The following BTRC variants were observed in gnomAD, a reference collection of about 807,000 sequenced individuals.
BTRC encodes the protein beta-transducin repeat containing E3 ubiquitin protein ligase.
BTRC carries 42 observed loss-of-function variants against 85.5 expected under a neutral mutation model. That is an observed-to-expected ratio of 0.49 (90% CI 0.38 to 0.64). The LOEUF (loss-of-function observed/expected upper bound fraction) is 0.64. Ranked by LOEUF, BTRC falls within the 30% of genes least tolerant of loss-of-function variation. The pLI is 0.00. For missense variants in BTRC, 594 were observed against 743.5 expected, an observed-to-expected ratio of 0.80 and a Z score of 2.34; for synonymous variants, 255 against 263.3, an observed-to-expected ratio of 0.97 and a Z score of 0.30.
intron 1 of BTRC, among the ~76,000 whole-genome samples, chr10:101,421,635 C>T (rs1240126550): frequency 2.5e-5 from 3 of 118,334 alleles, no homozygotes; most frequent in African/African-American, 6.5e-5. Context: ...CCCCCCACCC[C>T]ACAACAGGCC....
intron 4 of BTRC, among the ~76,000 whole-genome samples, chr10:101,520,121 A>C (rs145111160): frequency 1.1e-3 from 162 of 149,662 alleles, no homozygotes; most frequent in African/African-American, 3.8e-3. Context: ...ATATTTTCTA[A>C]GTATTTGCTT....
At chr10:101,480,446 G>A (rs550434504) in intron 4 of BTRC, among the ~76,000 whole-genome samples, 2 of 152,304 alleles carry the variant, frequency 1.3e-5, no homozygotes, top group African/African-American at 4.8e-5. Flanking sequence ...CAAGATGAGA[G>A]CACTAGCAGA....
intron 7 of BTRC, among the ~76,000 whole-genome samples, 159 bp from the exon 8 acceptor site, chr10:101,532,136 A>C (rs7073902): frequency 0.067 from 10,151 of 152,156 alleles, 355 homozygotes; most frequent in Non-Finnish European, 0.074. Context: ...ATATTTTATA[A>C]ATATAGATAG....
chr10:101,413,813 C>T (rs1019377532), intron 1 of BTRC, among the ~76,000 whole-genome samples: 24 of 152,040 alleles, frequency 1.6e-4, no homozygotes, highest in African/African-American at 4.1e-4. Context: ...TTTCAACTTT[C>T]GTGTTTTTTT....
intron 2 of BTRC, among the ~76,000 whole-genome samples, chr10:101,431,901 T>C (rs939139646): frequency 1.3e-5 from 2 of 152,180 alleles, no homozygotes; most frequent in Admixed American, 6.5e-5. Context: ...AGATACAATA[T>C]AGTAAAGCAT....
intron 1 of BTRC, among the ~76,000 whole-genome samples, chr10:101,377,706 T>C (rs1357630677): frequency 1.3e-5 from 2 of 152,228 alleles, no homozygotes; most frequent in Non-Finnish European, 2.9e-5. Context: ...AAATATTTGA[T>C]ATGCCTAACT....
chr10:101,422,750 G>C (rs1353835481), intron 1 of BTRC, among the ~76,000 whole-genome samples: 1 of 152,022 alleles, frequency 6.6e-6, no homozygotes, highest in African/African-American at 2.4e-5. Flanking sequence ...TCTTGTTTTT[G>C]TCAGGTTTGT....
At chr10:101,385,743 A>G (rs7072719) in intron 1 of BTRC, among the ~76,000 whole-genome samples, 1 of 149,130 alleles carries the variant, frequency 6.7e-6, no homozygotes, top group African/African-American at 2.5e-5. Flanking sequence ...ACACACACAC[A>G]CATATGTTTT....
At chr10:101,390,417 A>G (rs997883677) in intron 1 of BTRC, among the ~76,000 whole-genome samples, 19 of 149,770 alleles carry the variant, frequency 1.3e-4, no homozygotes, top group Admixed American at 6.7e-5. Flanking sequence ...TGCTCACTGC[A>G]AGCTTCGCCT....
At chr10:101,404,531 G>A (rs1286383334) in intron 1 of BTRC, among the ~76,000 whole-genome samples, 1 of 152,116 alleles carries the variant, frequency 6.6e-6, no homozygotes, top group Non-Finnish European at 1.5e-5. Flanking sequence ...TTTTTGTCAG[G>A]CATTCAACCC....
At chr10:101,487,022 TATC>T (rs1226325520) in intron 4 of BTRC, among the ~76,000 whole-genome samples, 6 of 152,218 alleles carry the variant, frequency 3.9e-5, no homozygotes, top group African/African-American at 7.2e-5. Context: ...TATAAGAACA[TATC>T]ATTTAAATTT....
chr10:101,509,760 C>T (rs1251616403), intron 4 of BTRC, among the ~76,000 whole-genome samples: 15 of 144,796 alleles, frequency 1.0e-4, no homozygotes, highest in Non-Finnish European at 1.6e-4. Context: ...TGGAGTCTCA[C>T]TATGCTGCCA....
At position 101,412,596 on chromosome 10, in the gene BTRC, G is replaced by A. The variant is rs527276512; in HGVS notation, c.49-17749G>A. 5.9e-5 allele frequency among the ~76,000 whole-genome samples: 9 copies of A among 152,220 alleles called. No homozygotes were observed. The South Asian group carries it at 1.9e-3, about 32-fold the overall frequency. ...TTTATTTAAACTTAATGTACTAGAA[G>A]TCCTCATATTACATATTTCTAATGT... On this transcript the variant is annotated intron_variant, in intron 1 of 14. Transcript: ENST00000370187.
At chr10:101,493,723 A>G (rs1431254295) in intron 4 of BTRC, among the ~76,000 whole-genome samples, 1 of 152,232 alleles carries the variant, frequency 6.6e-6, no homozygotes, top group Non-Finnish European at 1.5e-5. Context: ...TTTCCTTTCT[A>G]GCATTCCATA....
intron 2 of BTRC, among the ~76,000 whole-genome samples, chr10:101,433,155 A>C (rs60754518): frequency 6.6e-6 from 1 of 152,198 alleles, no homozygotes; most frequent in Non-Finnish European, 1.5e-5. Context: ...GTAATTCTTC[A>C]CTACACAGGG....
Position 101,557,230 on chromosome 10 carries a change from T to C in BTRC, c.*4107T>C, listed in dbSNP as rs1223778204. On this transcript the variant is annotated 3_prime_UTR_variant, in exon 15 of 15. Transcript: ENST00000370187. ...TCAGTGTACCAATATGTTCACAACC[T>C]AGGATCATGATAATGGAGTGTGTTT... The C allele has an allele frequency of 6.6e-6, 1 of 152,224 alleles. No individual in the cohort carries two copies. Among genetic ancestry groups the C allele is most frequent in the Non-Finnish European group, 1.5e-5 (1 of 68,036 alleles). The allele number at this position is 152,224 out of a possible 1,614,324, so 9.4% of individuals were successfully genotyped here. A position where few individuals can be genotyped will look rare whatever the true frequency, so the allele number is the denominator to read the frequency against.
At chr10:101,550,641 G>T (rs1439971284) in intron 13 of BTRC, 58 bp from the exon 14 acceptor site, 23 of 1,540,750 alleles carry the variant, frequency 1.5e-5, no homozygotes, top group Non-Finnish European at 1.9e-5. Flanking sequence ...TGCTGAATTT[G>T]TGTCCTATTG....
At chr10:101,436,169 T>C (rs1944523630) in intron 2 of BTRC, among the ~76,000 whole-genome samples, 1 of 152,218 alleles carries the variant, frequency 6.6e-6, no homozygotes, top group South Asian at 2.1e-4. Context: ...TTCTGTTGAT[T>C]ACCAGTAGAT....
At chr10:101,487,570 G>C (rs920891739) in intron 4 of BTRC, among the ~76,000 whole-genome samples, 8 of 152,146 alleles carry the variant, frequency 5.3e-5, no homozygotes, top group African/African-American at 1.9e-4. Context: ...AAAATAATGA[G>C]AGCAAATTAG....
Sources: gnomAD v4.1 joint callset for allele counts (sites outside exome capture counted in the v4.1 genomes callset) on GRCh38, gnomAD v4.1.1 for gene constraint, MANE v1.5 for transcripts, NCBI Gene and HGNC (gene_info 2026-07-23, HGNC 2026-07-21) for gene names.